FARS2: variants seen among roughly 807,000 people sequenced by gnomAD.
FARS2 encodes the protein phenylalanyl-tRNA synthetase 2, mitochondrial, also known as phenylalanine--tRNA ligase, mitochondrial.
In FARS2, 40 loss-of-function variants were observed where a neutral mutation model predicts 46.4. That is an observed-to-expected ratio of 0.86 (90% confidence interval 0.67 to 1.12). The LOEUF is 1.12. Among genes scored for constraint, FARS2 ranks in the 50% most tolerant of loss-of-function variants. The pLI is 0.00. For synonymous variants in FARS2, 234 were observed against 214.9 expected, an observed-to-expected ratio of 1.09 and a Z score of -0.78; for missense variants, 513 against 567.9, an observed-to-expected ratio of 0.90 and a Z score of 0.98.
At chr6:5,314,897 A>T (rs1769337964) in intron 1 of FARS2, among the ~76,000 whole-genome samples, 1 of 126,214 alleles carries the variant, frequency 7.9e-6, no homozygotes, top group Admixed American at 7.6e-5. Context: ...GGCAAATTTT[A>T]TGTAGCAATC....
intron 4 of FARS2, among the ~76,000 whole-genome samples, chr6:5,448,307 G>C (rs978601638): frequency 2.0e-5 from 3 of 152,272 alleles, no homozygotes; most frequent in African/African-American, 7.2e-5. Flanking sequence ...TTATTTTATA[G>C]GTCATGCATT....
intron 3 of FARS2, among the ~76,000 whole-genome samples, chr6:5,425,404 G>A (rs1762791706): frequency 6.6e-6 from 1 of 152,170 alleles, no homozygotes; most frequent in Admixed American, 6.5e-5. Flanking sequence ...TATTCAGAAT[G>A]AGATCCTTAA....
intron 1 of FARS2, among the ~76,000 whole-genome samples, chr6:5,338,570 T>C (rs1471324860): frequency 1.3e-5 from 2 of 149,048 alleles, no homozygotes; most frequent in Non-Finnish European, 3.0e-5. Flanking sequence ...CTCTCCCTTT[T>C]CCCCACCCAC....
chr6:5,445,199 A>AG (rs398109791), intron 4 of FARS2, among the ~76,000 whole-genome samples: 2 of 141,606 alleles, frequency 1.4e-5, no homozygotes, highest in Non-Finnish European at 1.6e-5. Flanking sequence ...TTAAAAAAAA[A>AG]GAGAGAAAAA....
At chr6:5,487,922 C>T (rs1561656697) in intron 4 of FARS2, among the ~76,000 whole-genome samples, 1 of 152,170 alleles carries the variant, frequency 6.6e-6, no homozygotes, top group Non-Finnish European at 1.5e-5. Flanking sequence ...CATTGATGAG[C>T]AGACTGACTT....
intron 4 of FARS2, among the ~76,000 whole-genome samples, chr6:5,543,373 G>C (rs1312900209): frequency 8.6e-6 from 1 of 116,046 alleles, no homozygotes; most frequent in Non-Finnish European, 1.8e-5. Context: ...TGTTGTTGGT[G>C]GTGGTTTTTT....
At chr6:5,430,036 G>C (rs9328302) in intron 3 of FARS2, among the ~76,000 whole-genome samples, 57,792 of 151,404 alleles carry the variant, frequency 0.38, 11,633 homozygotes, top group Non-Finnish European at 0.44. Context: ...TTCACATTTT[G>C]ATTCCCACAA....
chr6:5,571,291 A>G (rs764023268), intron 5 of FARS2, among the ~76,000 whole-genome samples: 1 of 152,238 alleles, frequency 6.6e-6, no homozygotes, highest in African/African-American at 2.4e-5. Context: ...ATTTTGGTCT[A>G]GCTTAATTCA....
intron 6 of FARS2, among the ~76,000 whole-genome samples, chr6:5,643,231 AAAT>A (rs1776912062): frequency 6.6e-6 from 1 of 152,196 alleles, no homozygotes; most frequent in Non-Finnish European, 1.5e-5. Flanking sequence ...CAAAGAACTG[AAAT>A]AATAATCCAC....
chr6:5,302,351 T>C (rs1768376652), intron 1 of FARS2, among the ~76,000 whole-genome samples: 1 of 152,156 alleles, frequency 6.6e-6, no homozygotes, highest in Non-Finnish European at 1.5e-5. Flanking sequence ...ACGTGGTAGA[T>C]AGCAAGGCTT....
intron 6 of FARS2, among the ~76,000 whole-genome samples, chr6:5,745,363 C>T (rs1428192152): frequency 6.6e-6 from 1 of 152,240 alleles, no homozygotes; most frequent in Non-Finnish European, 1.5e-5. Flanking sequence ...TTATGTGTGT[C>T]TGTGCTTTAA....
chr6:5,316,302 A>G (rs1441270053), intron 1 of FARS2, among the ~76,000 whole-genome samples: 6 of 152,256 alleles, frequency 3.9e-5, no homozygotes, highest in Non-Finnish European at 4.4e-5. Flanking sequence ...TATTTGAAAC[A>G]AACATATGTT....
chr6:5,651,378 G>A (rs1002305527), intron 6 of FARS2, among the ~76,000 whole-genome samples: 2 of 152,216 alleles, frequency 1.3e-5, no homozygotes, highest in African/African-American at 2.4e-5. Context: ...CCTCACTGAC[G>A]TGTAGCAAAA....
At chr6:5,687,423 C>A (rs1203415906) in intron 6 of FARS2, among the ~76,000 whole-genome samples, 1 of 152,144 alleles carries the variant, frequency 6.6e-6, no homozygotes, top group Non-Finnish European at 1.5e-5. Flanking sequence ...ATATGGCTAG[C>A]CAGTTTTCCC....
intron 2 of FARS2, chr6:5,371,276 T>C (rs976188627): frequency 1.3e-5 from 8 of 620,100 alleles, no homozygotes; most frequent in African/African-American, 4.0e-5. Context: ...AAACAAAATG[T>C]TTTTTCGTCT....
chr6:5,610,251 G>A, intron 5 of FARS2: 1 of 489,072 alleles, frequency 2.0e-6, no homozygotes, highest in Non-Finnish European at 3.7e-6. Context: ...GCATCCACGA[G>A]CAGAAAGTAG....
chr6:5,284,318 T>A (rs531611374), intron 1 of FARS2, among the ~76,000 whole-genome samples: 1 of 152,310 alleles, frequency 6.6e-6, no homozygotes, highest in African/African-American at 2.4e-5. Context: ...AAGGCAACAG[T>A]CTTCCTATTT....
intron 6 of FARS2, among the ~76,000 whole-genome samples, chr6:5,663,878 G>A (rs1171874999): frequency 6.6e-6 from 1 of 152,204 alleles, no homozygotes; most frequent in African/African-American, 2.4e-5. Context: ...CAGCACTACT[G>A]TGCGCACCTG....
At chr6:5,335,056 T>C (rs1771061375) in intron 1 of FARS2, among the ~76,000 whole-genome samples, 1 of 152,200 alleles carries the variant, frequency 6.6e-6, no homozygotes, top group South Asian at 2.1e-4. Context: ...TTGATGAAAC[T>C]GAATTTGGCT....
Sources: allele counts gnomAD v4.1 joint callset (sites outside exome capture counted in the v4.1 genomes callset), GRCh38; gene constraint gnomAD v4.1.1; transcripts MANE v1.5; gene names NCBI Gene and HGNC (gene_info 2026-07-23, HGNC 2026-07-21).